The following ADK variants were observed in gnomAD, a reference collection of about 807,000 sequenced individuals.
ADK encodes adenosine kinase, also known as N6,N6-dimethyladenosine kinase.
A neutral mutation model predicts 44.7 loss-of-function variants in ADK; 24 were observed. The observed-to-expected ratio is 0.54, with a 90% CI of 0.39 to 0.76. ADK has a LOEUF of 0.76. ADK is among the 30% of genes least tolerant of loss of function. The pLI is 0.00. For synonymous variants in ADK, 128 were observed against 142.6 expected, an observed-to-expected ratio of 0.90 and a Z score of 0.73; for missense variants, 321 against 425.1, an observed-to-expected ratio of 0.76 and a Z score of 2.15.
At chr10:74,386,498 CTT>C (rs1843145506) in intron 4 of ADK, among the ~76,000 whole-genome samples, 1 of 152,130 alleles carries the variant, frequency 6.6e-6, no homozygotes, top group African/African-American at 2.4e-5. Flanking sequence ...GTTAAAGACT[CTT>C]GTTATGAAGT....
chr10:74,478,374 C>T (rs1229488290), intron 6 of ADK, among the ~76,000 whole-genome samples: 1 of 152,276 alleles, frequency 6.6e-6, no homozygotes, highest in East Asian at 1.9e-4. Context: ...CATGTGCCAC[C>T]ACACCTAGCT....
At chr10:74,612,560 T>C (rs1277055426) in intron 9 of ADK, among the ~76,000 whole-genome samples, 1 of 152,172 alleles carries the variant, frequency 6.6e-6, no homozygotes, top group East Asian at 1.9e-4. Flanking sequence ...AGTTAGCAAA[T>C]ATTTTCTCCT....
intron 4 of ADK, among the ~76,000 whole-genome samples, chr10:74,356,002 A>ATATTTTTTTTTTTTTTTTTTT (rs57958159): frequency 1.2e-5 from 1 of 83,310 alleles, no homozygotes; most frequent in African/African-American, 5.1e-5. Flanking sequence ...TAAATAATTC[A>ATATTTTTTTTTTTTTTTTTTT]TTTTTTTTTT....
chr10:74,410,361 AT>A (rs886379219), intron 6 of ADK, among the ~76,000 whole-genome samples: 5 of 151,580 alleles, frequency 3.3e-5, no homozygotes, highest in Admixed American at 2.6e-4. Context: ...AATTGAAGTA[AT>A]TTTTTTTTAA....
intron 4 of ADK, among the ~76,000 whole-genome samples, chr10:74,360,622 T>C (rs1337856050): frequency 1.3e-5 from 2 of 152,212 alleles, no homozygotes; most frequent in Non-Finnish European, 2.9e-5. Context: ...GGTACACCAA[T>C]GTTGGGTGCA....
chr10:74,283,126 G>A (rs548466926), intron 3 of ADK, among the ~76,000 whole-genome samples: 101 of 152,242 alleles, frequency 6.6e-4, no homozygotes, highest in African/African-American at 2.4e-3. Context: ...GTACCTCCCT[G>A]TTTAACAAAT....
rs183873636 is a variant in ADK, at chr10:74,427,193, T to A, written c.555+28614T>A. Among the ~76,000 whole-genome samples, 341 of 152,136 alleles carry A rather than the reference T, an allele frequency of 2.2e-3. 2 individuals are homozygous for A. The highest frequency in any genetic ancestry group is 0.012 in the South Asian group (60 of 4,818). The stretch of plus-strand genomic sequence containing the variant: ...AATCCTGAACTCACTTTTGTAGGTT[T>A]ATTTTATTTTATTTTATTTTTTTGA... On this transcript the variant is annotated intron_variant, in intron 6 of 10. Transcript: ENST00000539909.
chr10:74,190,458 T>A (rs984975156), intron 1 of ADK, among the ~76,000 whole-genome samples: 32 of 152,236 alleles, frequency 2.1e-4, no homozygotes, highest in Non-Finnish European at 7.3e-5. Flanking sequence ...GTCTTAGGAA[T>A]TTCAGAACTT....
At chr10:74,645,452 A>G (rs1340860875) in intron 9 of ADK, among the ~76,000 whole-genome samples, 2 of 152,256 alleles carry the variant, frequency 1.3e-5, no homozygotes, top group African/African-American at 4.8e-5. Flanking sequence ...AATCTAAAAC[A>G]TAATATTTAT....
chr10:74,650,359 G>A (rs1381167058), intron 9 of ADK, among the ~76,000 whole-genome samples: 1 of 152,062 alleles, frequency 6.6e-6, no homozygotes, highest in Admixed American at 6.5e-5. Context: ...GGTGGAGGCT[G>A]CCAAGATCTC....
chr10:74,481,971 G>A (rs1280339329), intron 6 of ADK, among the ~76,000 whole-genome samples: 1 of 152,192 alleles, frequency 6.6e-6, no homozygotes, highest in African/African-American at 2.4e-5. Flanking sequence ...AACCCTTGGA[G>A]ACATCTAGGG....
At chr10:74,221,599 C>G (rs1378290572) in intron 2 of ADK, among the ~76,000 whole-genome samples, 1 of 148,294 alleles carries the variant, frequency 6.7e-6, no homozygotes, top group Non-Finnish European at 1.5e-5. Context: ...CTGGAGGCAT[C>G]ACGCTACCTG....
chr10:74,504,348 C>G (rs569156956), intron 6 of ADK, among the ~76,000 whole-genome samples: 1 of 151,774 alleles, frequency 6.6e-6, no homozygotes, highest in African/African-American at 2.4e-5. Context: ...CATACATATT[C>G]ATTTAGTAAA....
intron 10 of ADK, among the ~76,000 whole-genome samples, chr10:74,702,340 T>C (rs1007010260): frequency 3.3e-5 from 5 of 151,156 alleles, no homozygotes; most frequent in African/African-American, 9.7e-5. Context: ...CCCGCCACCA[T>C]GCCCAGCTAA....
intron 9 of ADK, among the ~76,000 whole-genome samples, chr10:74,644,689 C>T (rs1419713742): frequency 6.6e-6 from 1 of 152,056 alleles, no homozygotes; most frequent in South Asian, 2.1e-4. Context: ...GACACCACAC[C>T]CAGCTAATTT....
At chr10:74,551,587 A>C (rs956067874) in intron 7 of ADK, 2 of 152,226 alleles carry the variant, frequency 1.3e-5, no homozygotes, top group Non-Finnish European at 1.5e-5. Flanking sequence ...GCAAAATATA[A>C]AGTGGGCTTA....
chr10:74,503,435 G>T (rs1847945703), intron 6 of ADK, among the ~76,000 whole-genome samples: 1 of 152,160 alleles, frequency 6.6e-6, no homozygotes, highest in Non-Finnish European at 1.5e-5. Context: ...GCCACTTCAG[G>T]AACTTGAGCT....
chr10:74,317,931 G>A (rs1483416574), intron 4 of ADK, among the ~76,000 whole-genome samples: 3 of 152,028 alleles, frequency 2.0e-5, no homozygotes, highest in Admixed American at 6.6e-5. Flanking sequence ...ATAGGTGTAT[G>A]CCACAAAGCC....
intron 3 of ADK, among the ~76,000 whole-genome samples, chr10:74,247,980 G>A (rs1020307531): frequency 2.0e-5 from 3 of 152,062 alleles, no homozygotes; most frequent in Non-Finnish European, 2.9e-5. Context: ...TTTTTTGATG[G>A]ATATGTATTA....
Sources: allele counts gnomAD v4.1 joint callset (sites outside exome capture counted in the v4.1 genomes callset), GRCh38; gene constraint gnomAD v4.1.1; transcripts MANE v1.5; gene names NCBI Gene and HGNC (gene_info 2026-07-23, HGNC 2026-07-21).